The following VPS13D variants were observed in gnomAD, a reference collection of about 807,000 sequenced individuals.
VPS13D encodes intermembrane lipid transfer protein VPS13D.
VPS13D carries 187 observed loss-of-function variants against 461.9 expected under a neutral mutation model. The observed-to-expected ratio is 0.40, with a 90% confidence interval of 0.36 to 0.46. The LOEUF (loss-of-function observed/expected upper bound fraction) is 0.46. VPS13D is among the 20% of genes least tolerant of loss of function. The probability of loss-of-function intolerance (pLI) is 0.60; values close to 1 mark genes in which losing one functional copy is unlikely to be tolerated. For missense variants in VPS13D, 4,711 were observed against 5,364.9 expected (o/e 0.88, Z 3.81); for synonymous variants, 1,951 against 1,986.3 (o/e 0.98, Z 0.47).
At position 12,506,578 on chromosome 1, in the gene VPS13D, G is replaced by A. The variant is rs1646110855; in HGVS notation, c.12795-275G>A. On this transcript the variant is annotated intron_variant, in intron 68 of 69. Coordinates refer to ENST00000620676, the MANE Select transcript of VPS13D (RefSeq NM_015378.4). Reference sequence around the variant, plus strand: ...CTCTGCCAGGCAGTGAACTTTCTCAGCTGCTCCTTCAGTTTCACATTGAAA... The same window carrying A: ...CTCTGCCAGGCAGTGAACTTTCTCAACTGCTCCTTCAGTTTCACATTGAAA... Among the ~76,000 whole-genome samples the A allele has an allele frequency of 2.6e-5, 4 of 152,286 alleles. No homozygotes were observed. In the South Asian group the frequency reaches 8.3e-4, roughly 32 times the overall value.
intron 13 of VPS13D, among the ~76,000 whole-genome samples, chr1:12,265,550 A>G (rs1488144896): frequency 6.6e-6 from 1 of 152,250 alleles, no homozygotes; most frequent in Non-Finnish European, 1.5e-5. Context: ...AAGATTCACC[A>G]TTCTAGATGC....
At chr1:12,234,419 T>A in intron 2 of VPS13D, 56 bp downstream of exon 2, 2 of 1,315,350 alleles carry the variant, frequency 1.5e-6, no homozygotes, top group Admixed American at 2.0e-5. Context: ...TATTTTTGTA[T>A]TTTTTTTGTT....
At chr1:12,247,886 A>ATT in intron 5 of VPS13D, among the ~76,000 whole-genome samples, 1 of 118,844 alleles carries the variant, frequency 8.4e-6, no homozygotes, top group African/African-American at 3.1e-5. Flanking sequence ...GTATTTTTGT[A>ATT]TTTTTTTTTT....
At chr1:12,381,922 TTTTCTTTCTTTCTTTCTTTCTTTCTTTC>T (rs35247625) in intron 57 of VPS13D, among the ~76,000 whole-genome samples, 59 of 101,256 alleles carry the variant, frequency 5.8e-4, no homozygotes, top group South Asian at 4.8e-3. Flanking sequence ...CTTTCTTTTC[TTTTCTTTCTTTCTTTCTTTCTTTCTTTC>T]TTTCTTTCTT....
At chr1:12,390,128 G>A (rs1644405114) in intron 60 of VPS13D, among the ~76,000 whole-genome samples, 1 of 152,198 alleles carries the variant, frequency 6.6e-6, no homozygotes, top group African/African-American at 2.4e-5. Context: ...CTCTAAGCCA[G>A]GAGAACTAAT....
At position 12,304,570 on chromosome 1, in the gene VPS13D, C is replaced by T. The variant is rs867243077; in HGVS notation, c.6281C>T (p.Thr2094Met). 2.2e-5 allele frequency: 36 copies of T among 1,613,944 alleles called. No individual in the cohort carries two copies. Among genetic ancestry groups the T allele is most frequent in the South Asian group, 4.4e-5 (4 of 91,078 alleles). The change falls in exon 26 of 70, where the codon ACG becomes ATG. Residue 2094 changes from threonine to methionine, a missense_variant. This residue lies in a region of VPS13D where 4,411 missense variants were observed against 4,937.8 expected (regional missense o/e 0.89). Coordinates refer to ENST00000620676, the MANE Select transcript of VPS13D (RefSeq NM_015378.4). Reference sequence around the variant, plus strand: ...CACAGTCTGAGGAAAACGACAAGCACGGAGGAGCCCAGGGGAACCCATTCC... The same window carrying T: ...CACAGTCTGAGGAAAACGACAAGCATGGAGGAGCCCAGGGGAACCCATTCC... ...PKHSLRKTTS[T>M]EEPRGTHSQG...
chr1:12,326,295 T>C (rs1424996898), intron 35 of VPS13D, among the ~76,000 whole-genome samples: 5 of 149,672 alleles, frequency 3.3e-5, no homozygotes, highest in Admixed American at 1.3e-4. Flanking sequence ...TTTTTTTTTT[T>C]AATTAAAGTT....
chr1:12,433,784 C>T (rs554357863), intron 65 of VPS13D, among the ~76,000 whole-genome samples: 1 of 152,250 alleles, frequency 6.6e-6, no homozygotes, highest in African/African-American at 2.4e-5. Context: ...ACTGGGATCC[C>T]GCTAATCAGG....
chr1:12,422,805 GA>G (rs1644879480), intron 65 of VPS13D, among the ~76,000 whole-genome samples: 1 of 151,084 alleles, frequency 6.6e-6, no homozygotes, highest in Non-Finnish European at 1.5e-5. Context: ...AGCTAGAGGT[GA>G]CAGGGGTGGA....
At chr1:12,475,620 C>T (rs1645620834) in intron 67 of VPS13D, among the ~76,000 whole-genome samples, 2 of 152,214 alleles carry the variant, frequency 1.3e-5, no homozygotes, top group Admixed American at 1.3e-4. Context: ...TGAGTTACAT[C>T]TCATCCCCGC....
At chr1:12,500,108 C>T (rs1646016286) in intron 68 of VPS13D, 1 of 985,290 alleles carries the variant, frequency 1.0e-6, no homozygotes, top group Non-Finnish European at 1.2e-6. Context: ...GAGTGAAAAC[C>T]CCACGAAGTC....
chr1:12,253,854 C>G, intron 7 of VPS13D, 28 bp downstream of exon 7: 1 of 1,592,528 alleles, frequency 6.3e-7, no homozygotes, highest in South Asian at 1.1e-5. Context: ...AGATTTGTTG[C>G]AAGACAGCAT....
Position 12,420,136 on chromosome 1 carries a change from A to G in VPS13D, c.12333+3309A>G, listed in dbSNP as rs117157907. Among the ~76,000 whole-genome samples, 37 of 152,384 alleles carry G rather than the reference A, an allele frequency of 2.4e-4. 1 individual carries two copies. In the East Asian group the frequency reaches 6.9e-3, roughly 29 times the overall value. On this transcript the variant is annotated intron_variant, in intron 65 of 69. Coordinates refer to ENST00000620676, the MANE Select transcript of VPS13D (RefSeq NM_015378.4). ...CTAAGATGAGAAAGCAAATAAACAC[A>G]AAATGACCACTTCTTATAGGAAATG... is the stretch of plus-strand genomic sequence containing the variant.
intron 65 of VPS13D, among the ~76,000 whole-genome samples, chr1:12,427,242 T>TTTTTTATTA: frequency 7.8e-6 from 1 of 128,776 alleles, no homozygotes; most frequent in African/African-American, 3.1e-5. Context: ...TTGTCATTAT[T>TTTTTTATTA]TTATTATTAT....
chr1:12,319,411 G>A, intron 31 of VPS13D, 86 bp from the exon 32 acceptor site: 6 of 1,572,304 alleles, frequency 3.8e-6, no homozygotes, highest in African/African-American at 1.4e-5. Context: ...TTGCCTGGTG[G>A]AAATGCGCTC....
intron 25 of VPS13D, among the ~76,000 whole-genome samples, chr1:12,303,054 T>A (rs751837700): frequency 6.6e-6 from 1 of 152,208 alleles, no homozygotes; most frequent in Non-Finnish European, 1.5e-5. Flanking sequence ...TTGATTACAG[T>A]CTATATGAAA....
intron 65 of VPS13D, among the ~76,000 whole-genome samples, chr1:12,438,311 G>A (rs769241268): frequency 7.9e-5 from 12 of 152,108 alleles, no homozygotes; most frequent in African/African-American, 2.4e-4. Context: ...CCCTTCTACC[G>A]TGTGAGGTTA....
At chr1:12,474,208 CCTGTAACAGCTGATAAA>C (rs1467145987) in intron 67 of VPS13D, among the ~76,000 whole-genome samples, 1 of 151,992 alleles carries the variant, frequency 6.6e-6, no homozygotes, top group Non-Finnish European at 1.5e-5. Flanking sequence ...GGCATGCGAC[CCTGTAACAGCTGATAAA>C]CTGTTTCAGG....
intron 30 of VPS13D, among the ~76,000 whole-genome samples, chr1:12,315,496 T>C (rs549090845): frequency 6.6e-6 from 1 of 152,356 alleles, no homozygotes; most frequent in Admixed American, 6.5e-5. Flanking sequence ...CCAGGCACTT[T>C]AGCTACGCTC....
Sources: gnomAD v4.1 joint callset for allele counts (sites outside exome capture counted in the v4.1 genomes callset) on GRCh38, gnomAD v4.1.1 for gene constraint, gnomAD v4.1.1 regional missense constraint, MANE v1.5 for transcripts, NCBI Gene and HGNC (gene_info 2026-07-23, HGNC 2026-07-21) for gene names.